Variants in LGSN observed in about 807,000 individuals in gnomAD.
LGSN encodes lengsin, lens protein with glutamine synthetase domain.
In LGSN, 21 loss-of-function variants were observed where a neutral mutation model predicts 19.5. That is an observed-to-expected ratio of 1.07 (90% CI 0.76 to 1.55). The LOEUF (loss-of-function observed/expected upper bound fraction) is 1.55, where lower values mean the gene tolerates loss of function less well. Ranked by LOEUF, LGSN falls within the 40% of genes most tolerant of loss-of-function variation. The pLI is 0.00. For missense variants in LGSN, 673 were observed against 608.5 expected (o/e 1.11, Z -1.12); for synonymous variants, 257 against 215.6 (o/e 1.19, Z -1.68).
At chr6:63,390,871 AAAAAAAG>A in the LGSN span, among the ~76,000 whole-genome samples, 4 of 149,026 alleles carry the variant, frequency 2.7e-5, no homozygotes, top group African/African-American at 1.0e-4. Flanking sequence ...AAAAAAAAAA[AAAAAAAG>A]AAAAGAAAAT....
chr6:63,379,791 C>T, the LGSN span, among the ~76,000 whole-genome samples: 1 of 152,034 alleles, frequency 6.6e-6, no homozygotes, highest in African/African-American at 2.4e-5. Flanking sequence ...ATTTTGCAGG[C>T]TTGTAAAATG....
the LGSN span, among the ~76,000 whole-genome samples, chr6:63,325,095 C>A: frequency 7.9e-6 from 1 of 126,082 alleles, no homozygotes; most frequent in East Asian, 2.5e-4. Context: ...CTGAGTGAAA[C>A]TCTGTCTCAA....
the LGSN span, among the ~76,000 whole-genome samples, chr6:63,486,682 C>T: frequency 7.8e-5 from 9 of 115,838 alleles, no homozygotes; most frequent in South Asian, 2.9e-4. Flanking sequence ...TTATTTTCTT[C>T]TTTTTTTTTT....
the LGSN span, chr6:63,441,354 A>G: frequency 2.1e-6 from 1 of 478,168 alleles, no homozygotes; most frequent in Non-Finnish European, 4.2e-6. Context: ...TCTCCTCAAC[A>G]ACAGGCTGGT....
At chr6:63,513,759 A>T in the LGSN span, among the ~76,000 whole-genome samples, 1 of 151,862 alleles carries the variant, frequency 6.6e-6, no homozygotes, top group African/African-American at 2.4e-5. Flanking sequence ...AAAAATACAA[A>T]AATTAGCTGG....
the LGSN span, among the ~76,000 whole-genome samples, chr6:63,453,516 T>C: frequency 6.6e-6 from 1 of 152,174 alleles, no homozygotes; most frequent in Non-Finnish European, 1.5e-5. Context: ...TTTATTGTAA[T>C]GTAATGTTCT....
At chr6:63,469,187 A>G in the LGSN span, among the ~76,000 whole-genome samples, 1 of 152,178 alleles carries the variant, frequency 6.6e-6, no homozygotes, top group Non-Finnish European at 1.5e-5. Flanking sequence ...ACATGTACAT[A>G]TGGGTCCAGA....
At chr6:63,544,691 G>A in the LGSN span, among the ~76,000 whole-genome samples, 250 of 152,196 alleles carry the variant, frequency 1.6e-3, 2 homozygotes, top group Middle Eastern at 0.017. Flanking sequence ...TACCAAGAAT[G>A]TTTCTCAGTT....
At chr6:63,416,023 G>A in the LGSN span, among the ~76,000 whole-genome samples, 1 of 151,784 alleles carries the variant, frequency 6.6e-6, no homozygotes, top group Non-Finnish European at 1.5e-5. Flanking sequence ...CTGTTTTCCT[G>A]ACCATTGAGA....
chr6:63,325,348 T>C, the LGSN span, among the ~76,000 whole-genome samples: 4 of 152,080 alleles, frequency 2.6e-5, no homozygotes, highest in African/African-American at 9.7e-5. Flanking sequence ...AATAAATCCC[T>C]AGCTAGACTA....
At chr6:63,413,447 T>C in the LGSN span, among the ~76,000 whole-genome samples, 1 of 152,186 alleles carries the variant, frequency 6.6e-6, no homozygotes, top group African/African-American at 2.4e-5. Flanking sequence ...TAATATCTAA[T>C]TTTTACTCCT....
chr6:63,566,266 T>C, the LGSN span, among the ~76,000 whole-genome samples: 5 of 152,326 alleles, frequency 3.3e-5, no homozygotes, highest in South Asian at 1.0e-3. Flanking sequence ...TAAAGGAACT[T>C]GCAGGGTGTT....
chr6:63,420,629 C>T, the LGSN span, among the ~76,000 whole-genome samples: 3 of 152,264 alleles, frequency 2.0e-5, no homozygotes, highest in African/African-American at 7.2e-5. Flanking sequence ...AAGGTGGTAG[C>T]GCCTTCCTTT....
the LGSN span, among the ~76,000 whole-genome samples, chr6:63,352,339 C>T: frequency 6.6e-6 from 1 of 152,140 alleles, no homozygotes; most frequent in Non-Finnish European, 1.5e-5. Flanking sequence ...TGCCTTATCA[C>T]AAGGACTCCA....
At chr6:63,366,863 G>A in the LGSN span, among the ~76,000 whole-genome samples, 1 of 150,864 alleles carries the variant, frequency 6.6e-6, no homozygotes, top group South Asian at 2.1e-4. Flanking sequence ...TTAATAAATG[G>A]TGCTGGGAGA....
chr6:63,571,823 T>C, the LGSN span: 6 of 152,390 alleles, frequency 3.9e-5, no homozygotes, highest in South Asian at 1.0e-3. Context: ...CCATCTTCTA[T>C]AGCCTTAAGT....
At chr6:63,549,612 G>A in the LGSN span, 1 of 522,126 alleles carries the variant, frequency 1.9e-6, no homozygotes, top group Non-Finnish European at 3.4e-6. Flanking sequence ...ATACACAATG[G>A]AATACTAATT....
the LGSN span, among the ~76,000 whole-genome samples, chr6:63,557,471 T>G: frequency 6.6e-6 from 1 of 151,900 alleles, no homozygotes; most frequent in African/African-American, 2.4e-5. Flanking sequence ...GGCTGAGGCA[T>G]GAGAACTGCT....
the LGSN span, among the ~76,000 whole-genome samples, chr6:63,358,232 G>T: frequency 6.6e-6 from 1 of 152,306 alleles, no homozygotes; most frequent in South Asian, 2.1e-4. Flanking sequence ...TTTGGTTACT[G>T]TAGCCTTGTA....
Sources: gnomAD v4.1 joint callset for allele counts (sites outside exome capture counted in the v4.1 genomes callset) on GRCh38, gnomAD v4.1.1 for gene constraint, MANE v1.5 for transcripts, NCBI Gene and HGNC (gene_info 2026-07-23, HGNC 2026-07-21) for gene names.